POLN: variants seen among roughly 807,000 people sequenced by gnomAD.
POLN encodes the protein DNA polymerase nu.
Under a neutral mutation model 113.5 loss-of-function variants are expected in POLN, and 108 were observed. That is an observed-to-expected ratio of 0.95 (90% CI 0.81 to 1.12). POLN has a LOEUF of 1.12. Among genes scored for constraint, POLN ranks in the 50% most tolerant of loss-of-function variants. The pLI is 0.00. For synonymous variants in POLN, 386 were observed against 391.5 expected (o/e 0.99, Z 0.17); for missense variants, 1,097 against 1,077.1 (o/e 1.02, Z -0.26).
intron 3 of POLN, among the ~76,000 whole-genome samples, chr4:2,225,638 C>T (rs976269816): frequency 9.5e-5 from 14 of 147,326 alleles, no homozygotes; most frequent in African/African-American, 3.5e-4. Context: ...AAAAAACAAA[C>T]ACTTTTCCTA....
At position 2,170,707 on chromosome 4, in the gene POLN, T is replaced by C. The variant is rs747755255; in HGVS notation, c.1526A>G (p.Gln509Arg). Residue 509 changes from glutamine to arginine, a missense_variant, in exon 13 of 26, where the codon CAG becomes CGG. Transcript: ENST00000511885. ...TGCTTCTGATGTAGACGGGTATTTC[T>C]GCAACCCCGTTCTGGGGAGACTGTT... ...QRNSLPRTGL[Q>R]KYPSTSEAVL... is the part of the protein sequence containing the mutation. 1.9e-6 allele frequency: 3 copies of C among 1,614,174 alleles called. No individual in the cohort carries two copies. Among genetic ancestry groups the C allele is most frequent in the Non-Finnish European group, 2.5e-6 (3 of 1,179,988 alleles).
At chr4:2,122,620 C>G (rs1194742718) in intron 19 of POLN, among the ~76,000 whole-genome samples, 1 of 152,124 alleles carries the variant, frequency 6.6e-6, no homozygotes, top group East Asian at 1.9e-4. Context: ...AACTTGAACC[C>G]CACACACCTG....
intron 16 of POLN, among the ~76,000 whole-genome samples, chr4:2,153,761 T>C (rs1187701348): frequency 6.6e-6 from 1 of 151,882 alleles, no homozygotes; most frequent in Non-Finnish European, 1.5e-5. Flanking sequence ...TTTTTTTGCA[T>C]GTTTAGCAGA....
chr4:2,237,899 T>C (rs555872280), intron 2 of POLN, among the ~76,000 whole-genome samples: 32 of 152,320 alleles, frequency 2.1e-4, no homozygotes, highest in African/African-American at 7.0e-4. Context: ...ATTAGTCTTA[T>C]AGATGTAACT....
chr4:2,107,695 A>G (rs1172480437), intron 19 of POLN, among the ~76,000 whole-genome samples: 1 of 152,128 alleles, frequency 6.6e-6, no homozygotes, highest in Non-Finnish European at 1.5e-5. Flanking sequence ...GGTAGGAGAG[A>G]GGAAGAGGGG....
chr4:2,171,125 A>T lies in POLN; in HGVS notation c.1431T>A (p.Leu477=). The change falls in exon 12 of 26, where the codon CTT becomes CTA. Residue 477 remains leucine (L), a synonymous_variant. Transcript: ENST00000511885. Reference sequence around the variant, plus strand: ...CTCGAAGCTGGTTATTGCTCGTTATAAGAAACCGTTCTCCTGCAACAAAAT... The same window carrying T: ...CTCGAAGCTGGTTATTGCTCGTTATTAGAAACCGTTCTCCTGCAACAAAAT... ...EAHFVAGERF[L]ITSNNQLREI... is the part of the protein sequence containing the mutation. 5.6e-6 allele frequency: 9 copies of T among 1,613,724 alleles called. No homozygotes were observed. Among genetic ancestry groups the T allele is most frequent in the Non-Finnish European group, 7.6e-6 (9 of 1,179,914 alleles).
At chr4:2,121,627 T>C (rs1731444581) in intron 19 of POLN, among the ~76,000 whole-genome samples, 2 of 152,024 alleles carry the variant, frequency 1.3e-5, no homozygotes, top group Admixed American at 1.3e-4. Context: ...TCTTCTAAAT[T>C]GTTGAATTGT....
intron 23 of POLN, chr4:2,078,978 G>A (rs2108688187): frequency 3.2e-6 from 3 of 949,872 alleles, no homozygotes; most frequent in Non-Finnish European, 3.8e-6. Flanking sequence ...TGCCCAGGCT[G>A]GAGTGCAGTG....
intron 5 of POLN, among the ~76,000 whole-genome samples, chr4:2,201,557 A>G (rs1733716664): frequency 6.6e-6 from 1 of 152,214 alleles, no homozygotes; most frequent in African/African-American, 2.4e-5. Context: ...ATTATGTTAA[A>G]CAACCAAACC....
In POLN at chr4:2,071,945, T is replaced by G. The variant is rs1028851806; in HGVS notation, c.*169A>C. 1 of 808,824 alleles carries G rather than the reference T, an allele frequency of 1.2e-6. No homozygotes were observed. The highest frequency in any genetic ancestry group is 2.1e-6 in the Non-Finnish European group (1 of 469,634). 50.1% of individuals were successfully genotyped at this position (808,824 alleles called of 1,614,324 possible). A position where few individuals can be genotyped will look rare whatever the true frequency, so the allele number is the denominator to read the frequency against. Reference sequence around the variant, plus strand: ...CTTCCCACTCACAGGAAGAATTCACTCAGACAAGGATGAGGAGGGCTTTGC... The same window carrying G: ...CTTCCCACTCACAGGAAGAATTCACGCAGACAAGGATGAGGAGGGCTTTGC... On this transcript the variant is annotated 3_prime_UTR_variant, in exon 26 of 26. Transcript: ENST00000511885. This position sits in a 1 kb window ranked among gnomAD's most constrained non-coding sequence, Gnocchi z 5.2.
intron 16 of POLN, chr4:2,140,070 A>AGTAT (rs1553897202): frequency 6.6e-6 from 1 of 150,450 alleles, no homozygotes. Flanking sequence ...ATTCAAAGGG[A>AGTAT]TTATTTATTT....
At chr4:2,170,368 T>C (rs2108746854) in intron 13 of POLN, among the ~76,000 whole-genome samples, 1 of 152,350 alleles carries the variant, frequency 6.6e-6, no homozygotes, top group East Asian at 1.9e-4. Flanking sequence ...TTCTAGTTCC[T>C]CTTGGGGACA....
intron 16 of POLN, among the ~76,000 whole-genome samples, chr4:2,149,894 C>T (rs1219062060): frequency 1.3e-5 from 2 of 152,018 alleles, no homozygotes; most frequent in East Asian, 1.9e-4. Flanking sequence ...CCAGCCTGGC[C>T]AACATAGTGA....
chr4:2,083,645 T>C (rs1258700417), intron 21 of POLN, among the ~76,000 whole-genome samples: 1 of 152,216 alleles, frequency 6.6e-6, no homozygotes, highest in African/African-American at 2.4e-5. Flanking sequence ...CCCTTTGTGG[T>C]GATGCTCGCA....
intron 19 of POLN, among the ~76,000 whole-genome samples, chr4:2,103,541 A>G (rs1258551424): frequency 1.3e-5 from 2 of 152,218 alleles, no homozygotes; most frequent in Admixed American, 6.5e-5. Flanking sequence ...CCTATTTAAT[A>G]AAATAGTATA....
At chr4:2,235,540 T>G (rs552930494) in intron 2 of POLN, among the ~76,000 whole-genome samples, 1 of 152,298 alleles carries the variant, frequency 6.6e-6, no homozygotes, top group South Asian at 2.1e-4. Context: ...GAATACTAAC[T>G]ATACAAAAGA....
intron 25 of POLN, among the ~76,000 whole-genome samples, chr4:2,072,704 C>T (rs1368929031): frequency 2.0e-5 from 3 of 152,168 alleles, no homozygotes; most frequent in Non-Finnish European, 2.9e-5. Flanking sequence ...GGGTCCCTGA[C>T]CTTGAGTGGA....
Position 2,158,040 on chromosome 4 carries a change from C to T in POLN, c.1612-129G>A, listed in dbSNP as rs187544654. On this transcript the variant is annotated intron_variant, in intron 14 of 25. Transcript: ENST00000511885. ...GATCTCGGCTTGCCGCAACTTCTGC[C>T]TCCTGGGGTCAAGTGATTCTCTTGC... 9.4e-4 allele frequency: 483 copies of T among 514,968 alleles called. 2 individuals are homozygous for T. The highest frequency in any genetic ancestry group is 1.2e-3 in the East Asian group (35 of 28,128). 31.9% of individuals were successfully genotyped at this position (514,968 alleles called of 1,614,324 possible). A position where few individuals can be genotyped will look rare whatever the true frequency, so the allele number is the denominator to read the frequency against.
intron 6 of POLN, among the ~76,000 whole-genome samples, chr4:2,195,023 C>T (rs190171622): frequency 3.2e-4 from 48 of 152,104 alleles, no homozygotes; most frequent in African/African-American, 1.0e-3. Context: ...GTATAACAAA[C>T]GTACAGAGAG....
Sources: allele counts gnomAD v4.1 joint callset (sites outside exome capture counted in the v4.1 genomes callset), GRCh38; gene constraint gnomAD v4.1.1; non-coding constraint Gnocchi (gnomAD v3.1); transcripts MANE v1.5; gene names NCBI Gene and HGNC (gene_info 2026-07-23, HGNC 2026-07-21).